The following AXL variants were observed in gnomAD, a reference collection of about 807,000 sequenced individuals.
AXL encodes the protein tyrosine-protein kinase receptor UFO.
Under a neutral mutation model 104.5 loss-of-function variants are expected in AXL, and 52 were observed. The observed-to-expected ratio is 0.50, with a 90% CI of 0.40 to 0.63. The LOEUF is 0.63. AXL is among the 20% of genes least tolerant of loss of function. AXL has a pLI of 0.00. For synonymous variants in AXL, 455 were observed against 473.7 expected, an observed-to-expected ratio of 0.96 and a Z score of 0.51; for missense variants, 1,024 against 1,188.5, an observed-to-expected ratio of 0.86 and a Z score of 2.04.
At chr19:41,230,145 G>A (rs898460902) in intron 4 of AXL, among the ~76,000 whole-genome samples, 2 of 116,210 alleles carry the variant, frequency 1.7e-5, no homozygotes, top group Non-Finnish European at 3.6e-5. Context: ...GTGTGTGGCT[G>A]TGTCTGTTTC....
chr19:41,250,477 C>G (rs901360359), intron 14 of AXL, among the ~76,000 whole-genome samples: 3 of 152,170 alleles, frequency 2.0e-5, no homozygotes, highest in African/African-American at 7.2e-5. Flanking sequence ...GAGTCTCACT[C>G]TGCTGTCCAG....
At chr19:41,222,212 T>A (rs1310226208) in intron 4 of AXL, among the ~76,000 whole-genome samples, 156 bp downstream of exon 4, 1 of 152,168 alleles carries the variant, frequency 6.6e-6, no homozygotes, top group Admixed American at 6.6e-5. Context: ...TGTCTCTGCC[T>A]CTCTGTCTCT....
At chr19:41,255,719 G>C (rs1395751632) in intron 17 of AXL, among the ~76,000 whole-genome samples, 1 of 151,648 alleles carries the variant, frequency 6.6e-6, no homozygotes. Context: ...GAAATTACAG[G>C]CTTGAGCCAC....
At chr19:41,241,856 C>CA (rs1373456307) in intron 10 of AXL, among the ~76,000 whole-genome samples, 3 of 152,068 alleles carry the variant, frequency 2.0e-5, no homozygotes, top group Admixed American at 6.6e-5. Flanking sequence ...AACAAACAAA[C>CA]AAAAAAAGAG....
At position 41,221,131 on chromosome 19, in the gene AXL, C is replaced by T. The variant is rs146822465; in HGVS notation, c.309-15C>T. 6.8e-6 allele frequency: 11 copies of T among 1,611,544 alleles called. No individual in the cohort carries two copies. In the East Asian group the frequency reaches 2.2e-4, roughly 33 times the overall value. On this transcript the variant is annotated splice_polypyrimidine_tract_variant and intron_variant, in intron 2 of 19. Coordinates refer to ENST00000301178, the MANE Select transcript of AXL (RefSeq NM_021913.5). Reference sequence around the variant, plus strand: ...CTGACCCTGAACCTCTCTGTCTCTCCTCTTGCCCTGTCAGAATCACCTCCC... The same window carrying T: ...CTGACCCTGAACCTCTCTGTCTCTCTTCTTGCCCTGTCAGAATCACCTCCC...
intron 4 of AXL, 134 bp from the exon 5 acceptor site, chr19:41,230,833 T>A (rs565471900): frequency 2.4e-5 from 21 of 867,116 alleles, no homozygotes; most frequent in Non-Finnish European, 1.9e-6. Context: ...CTGCTAACCC[T>A]CCCTTCAGGC....
At chr19:41,239,409 G>T in intron 9 of AXL, 95 bp downstream of exon 9, 1 of 1,494,152 alleles carries the variant, frequency 6.7e-7, no homozygotes, top group Non-Finnish European at 9.0e-7. Flanking sequence ...CGCAACTTAG[G>T]CCCTGTTCCT....
chr19:41,247,879 C>A (rs531708003), intron 12 of AXL, among the ~76,000 whole-genome samples: 1 of 149,946 alleles, frequency 6.7e-6, no homozygotes, highest in Admixed American at 6.7e-5. Flanking sequence ...GCCACTGCAT[C>A]CAGCAAAAAG....
chr19:41,234,973 G>A lies in AXL; in HGVS notation c.784-2971G>A, dbSNP rs368543441. The stretch of plus-strand genomic sequence containing the variant: ...CCAGTGGTGGCCCCCTCCACTCTGA[G>A]TGTGCCATTCCTCGGGTGGAATAGG... On this transcript the variant is annotated intron_variant, in intron 6 of 19. Transcript: ENST00000301178. Among the ~76,000 whole-genome samples the A allele has an allele frequency of 7.4e-4, 113 of 152,352 alleles. 1 individual carries two copies. The South Asian group carries it at 0.023, about 31-fold the overall frequency.
At chr19:41,250,886 G>T (rs114076278) in intron 14 of AXL, among the ~76,000 whole-genome samples, 124 of 152,278 alleles carry the variant, frequency 8.1e-4, no homozygotes, top group African/African-American at 3.0e-3. Context: ...CTTGGCCTGG[G>T]TCTGAATCTC....
intron 3 of AXL, chr19:41,221,454 A>G (rs1286435565): frequency 3.6e-6 from 2 of 550,050 alleles, no homozygotes; most frequent in African/African-American, 1.9e-5. Flanking sequence ...CTGGGGGATT[A>G]TATGTTCTGG....
chr19:41,232,969 T>C (rs1178066406), intron 6 of AXL, among the ~76,000 whole-genome samples: 1 of 152,088 alleles, frequency 6.6e-6, no homozygotes, highest in Non-Finnish European at 1.5e-5. Context: ...CCTAACCTCC[T>C]TAGAAACTGT....
At position 41,220,740 on chromosome 19, in the gene AXL, C is replaced by T. The variant is rs2033775807; in HGVS notation, c.190C>T (p.Pro64Ser). The T allele has an allele frequency of 2.5e-6, 4 of 1,614,096 alleles. No individual in the cohort carries two copies. The East Asian group carries it at 6.7e-5, about 27-fold the overall frequency. ...LRCQLQVQGEPPEVHWLRDGQ... is the reference protein window; with the variant it reads ...LRCQLQVQGESPEVHWLRDGQ... ...GTGTCAGCTCCAGGTTCAGGGAGAG[C>T]CCCCCGAGGTACATTGGCTTCGGGA... The change falls in exon 2 of 20, where the codon CCC (proline) becomes TCC (serine). Residue 64 changes from proline to serine, a missense_variant. Physicochemically the swap from Pro to Ser is moderately conservative, Grantham distance 74. This residue lies in a region of AXL where 124 missense variants were observed against 115.5 expected (regional missense o/e 1.07). Transcript: ENST00000301178.
intron 4 of AXL, among the ~76,000 whole-genome samples, chr19:41,222,472 C>T (rs1338762685): frequency 1.3e-5 from 2 of 152,172 alleles, no homozygotes; most frequent in Admixed American, 6.5e-5. Flanking sequence ...CGGAATCAAC[C>T]GTGCCCTCCT....
intron 4 of AXL, among the ~76,000 whole-genome samples, chr19:41,228,876 G>T (rs2033927620): frequency 1.3e-5 from 2 of 152,140 alleles, no homozygotes; most frequent in African/African-American, 4.8e-5. Context: ...AGCGGGAAGG[G>T]GATAGATTTG....
chr19:41,219,988 G>A (rs1234978977), intron 1 of AXL, among the ~76,000 whole-genome samples: 1 of 151,754 alleles, frequency 6.6e-6, no homozygotes, highest in Non-Finnish European at 1.5e-5. Context: ...CTCTGTCTCT[G>A]CCTCCAGCTC....
At chr19:41,219,535 A>C in intron 1 of AXL, 58 bp downstream of exon 1, 10 of 1,060,110 alleles carry the variant, frequency 9.4e-6, no homozygotes, top group East Asian at 3.4e-5. Flanking sequence ...GGGCAGGGGT[A>C]GGAGGTGGGG....
chr19:41,219,583 G>A, intron 1 of AXL, 106 bp downstream of exon 1: 1 of 1,320,264 alleles, frequency 7.6e-7, no homozygotes, highest in Admixed American at 2.1e-5. Flanking sequence ...CTGGCTTAGG[G>A]AGTTTCCTTG....
chr19:41,232,427 G>T (rs2034007733), intron 6 of AXL, among the ~76,000 whole-genome samples: 1 of 152,088 alleles, frequency 6.6e-6, no homozygotes, highest in African/African-American at 2.4e-5. Flanking sequence ...TTCGAGACCA[G>T]CCTGGCTAAC....
Sources: allele counts gnomAD v4.1 joint callset (sites outside exome capture counted in the v4.1 genomes callset), GRCh38; gene constraint gnomAD v4.1.1; regional missense constraint gnomAD v4.1.1; transcripts MANE v1.5; gene names NCBI Gene and HGNC (gene_info 2026-07-23, HGNC 2026-07-21).